Variants in FBXW11 observed in about 807,000 individuals in gnomAD.
FBXW11 encodes F-box and WD repeat domain containing 11, also known as F-box/WD repeat-containing protein 11.
FBXW11 carries 19 observed loss-of-function variants against 77.6 expected under a neutral mutation model. That is an observed-to-expected ratio of 0.24 (90% CI 0.17 to 0.36). The LOEUF (loss-of-function observed/expected upper bound fraction) is 0.36, where lower values mean the gene tolerates loss of function less well. FBXW11 is among the 10% of genes least tolerant of loss of function. The probability of loss-of-function intolerance (pLI) is 1.00; values close to 1 mark genes in which losing one functional copy is unlikely to be tolerated. For synonymous variants in FBXW11, 235 were observed against 249.4 expected (o/e 0.94, Z 0.54); for missense variants, 334 against 704.2 (o/e 0.47, Z 5.95).
At chr5:171,955,974 C>G (rs995295068) in intron 2 of FBXW11, among the ~76,000 whole-genome samples, 8 of 152,120 alleles carry the variant, frequency 5.3e-5, no homozygotes, top group African/African-American at 1.7e-4. Context: ...AATACTGTTA[C>G]TAAAATATAT....
At chr5:171,879,024 G>C (rs1758329273) in intron 7 of FBXW11, among the ~76,000 whole-genome samples, 3 of 152,048 alleles carry the variant, frequency 2.0e-5, no homozygotes, top group Admixed American at 2.0e-4. Flanking sequence ...TTAAAAATCA[G>C]AACAAAAATT....
chr5:171,942,575 A>C (rs1762805627), intron 2 of FBXW11, among the ~76,000 whole-genome samples: 1 of 152,226 alleles, frequency 6.6e-6, no homozygotes, highest in Admixed American at 6.5e-5. Flanking sequence ...CAAAGCAGGC[A>C]GATCACTTGA....
At chr5:171,913,846 C>CACAT (rs1163116523) in intron 3 of FBXW11, among the ~76,000 whole-genome samples, 48 of 151,168 alleles carry the variant, frequency 3.2e-4, no homozygotes, top group Non-Finnish European at 6.4e-4. Context: ...CACACACACA[C>CACAT]ACACACACAC....
At chr5:171,955,691 T>C (rs571484971) in intron 2 of FBXW11, among the ~76,000 whole-genome samples, 3 of 152,244 alleles carry the variant, frequency 2.0e-5, no homozygotes, top group African/African-American at 7.2e-5. Flanking sequence ...GAGTACTTAG[T>C]TCATTTTACT....
chr5:171,952,293 G>GACGTT (rs1763359561), intron 2 of FBXW11, among the ~76,000 whole-genome samples: 1 of 150,346 alleles, frequency 6.7e-6, no homozygotes, highest in Non-Finnish European at 1.5e-5. Context: ...GCTACCAATG[G>GACGTT]ACGTTTTCTT....
At chr5:171,893,439 A>AAAAAAAAAC in intron 6 of FBXW11, among the ~76,000 whole-genome samples, 1 of 148,908 alleles carries the variant, frequency 6.7e-6, no homozygotes, top group Non-Finnish European at 1.5e-5. Context: ...AAAAAAAAAA[A>AAAAAAAAAC]AAAAAAAACT....
chr5:171,866,008 T>C (rs1450711059), intron 13 of FBXW11, among the ~76,000 whole-genome samples: 1 of 152,202 alleles, frequency 6.6e-6, no homozygotes, highest in East Asian at 1.9e-4. Context: ...CTCACTCCTT[T>C]ATTCCCAGCA....
chr5:171,989,565 G>C (rs528383566), intron 1 of FBXW11, among the ~76,000 whole-genome samples: 5 of 152,196 alleles, frequency 3.3e-5, no homozygotes, highest in Admixed American at 6.5e-5. Context: ...ATGACACCAC[G>C]AGGAAATAAT....
Position 171,910,752 on chromosome 5 carries a change from A to T in FBXW11, c.256T>A (p.Ser86Thr), listed in dbSNP as rs1349707616. The T allele has an allele frequency of 6.2e-7, 1 of 1,613,184 alleles. No individual in the cohort carries two copies. Among genetic ancestry groups the T allele is most frequent in the South Asian group, 1.1e-5 (1 of 90,900 alleles). ...TTTTCTTTTTGATAGTTTCCTTCTG[A>T]TGGCCTCTTTCTGGAGACGATCACA... Reference protein sequence around the residue: ...SSVIVSRKRPSEGNYQKEKDL... With the variant: ...SSVIVSRKRPTEGNYQKEKDL... The change falls in exon 4 of 14, where the codon TCA becomes ACA. Residue 86 changes from serine (S) to threonine (T), a missense_variant. Physicochemically the swap from Ser to Thr is moderately conservative, Grantham distance 58. This residue lies in a region of FBXW11 where 80 missense variants were observed against 105.1 expected (regional missense o/e 0.76). Transcript: ENST00000517395.
At chr5:171,877,738 A>C (rs976067781) in intron 8 of FBXW11, among the ~76,000 whole-genome samples, 6 of 152,256 alleles carry the variant, frequency 3.9e-5, no homozygotes, top group African/African-American at 1.4e-4. Flanking sequence ...TGGACCACAT[A>C]ACCAAAAGAA....
intron 3 of FBXW11, among the ~76,000 whole-genome samples, chr5:171,913,818 T>C (rs3138750): frequency 0.022 from 1,432 of 64,318 alleles, 5 homozygotes; most frequent in Non-Finnish European, 0.032. Flanking sequence ...CACACACACA[T>C]ACACACACAC....
At chr5:171,897,255 A>G (rs533558477) in intron 6 of FBXW11, among the ~76,000 whole-genome samples, 2 of 152,358 alleles carry the variant, frequency 1.3e-5, no homozygotes, top group African/African-American at 4.8e-5. Context: ...TTAGTGGTAC[A>G]TTACTTTTAT....
intron 3 of FBXW11, among the ~76,000 whole-genome samples, chr5:171,911,797 TG>T (rs1301911093): frequency 6.6e-6 from 1 of 152,208 alleles, no homozygotes; most frequent in Non-Finnish European, 1.5e-5. Flanking sequence ...ACACTGCATC[TG>T]GACAGTAACA....
At chr5:171,941,180 G>C (rs988922977) in intron 2 of FBXW11, among the ~76,000 whole-genome samples, 2 of 152,280 alleles carry the variant, frequency 1.3e-5, no homozygotes, top group South Asian at 4.1e-4. Flanking sequence ...TGATCTAAGT[G>C]ATCACCATTC....
intron 1 of FBXW11, among the ~76,000 whole-genome samples, chr5:171,963,188 C>A (rs910550443): frequency 7.3e-5 from 1 of 13,670 alleles, no homozygotes; most frequent in African/African-American, 7.8e-5. Context: ...AATACACATA[C>A]ACACACACAC....
rs1468908572 is a variant in FBXW11, at chr5:171,863,144, C to T, written c.*983G>A. Reference sequence around the variant, plus strand: ...TTTAAAACAAGATTCTCATTAAAAACACACACAAACCACACACACGCAATG... The same window carrying T: ...TTTAAAACAAGATTCTCATTAAAAATACACACAAACCACACACACGCAATG... On this transcript the variant is annotated 3_prime_UTR_variant, in exon 14 of 14. Transcript: ENST00000517395. The T allele has an allele frequency of 1.3e-5, 2 of 152,664 alleles. No individual in the cohort carries two copies. The highest frequency in any genetic ancestry group is 3.9e-4 in the East Asian group (2 of 5,150). 9.5% of individuals were successfully genotyped at this position (152,664 alleles called of 1,614,324 possible). A position where few individuals can be genotyped will look rare whatever the true frequency, so the allele number is the denominator to read the frequency against.
chr5:171,916,103 G>GC (rs1761220506), intron 2 of FBXW11, among the ~76,000 whole-genome samples: 1 of 151,188 alleles, frequency 6.6e-6, no homozygotes, highest in Admixed American at 6.6e-5. Context: ...GGTGGGGGGA[G>GC]GTGGGGGGAT....
intron 4 of FBXW11, among the ~76,000 whole-genome samples, chr5:171,900,853 A>G (rs1222922175): frequency 2.0e-5 from 3 of 152,122 alleles, no homozygotes; most frequent in African/African-American, 4.8e-5. Flanking sequence ...ATACAAGGAT[A>G]CTCTCAAAGA....
Position 171,869,664 on chromosome 5 carries a change from G to A in FBXW11, c.1530+65C>T. 7 of 1,258,312 alleles carry A rather than the reference G, an allele frequency of 5.6e-6. No homozygotes were observed. The South Asian group carries it at 8.1e-5, about 14-fold the overall frequency. The allele number at this position is 1,258,312 out of a possible 1,614,324, so 77.9% of individuals were successfully genotyped here. On this transcript the variant is annotated intron_variant, in intron 12 of 13. Coordinates refer to ENST00000517395, the MANE Select transcript of FBXW11 (RefSeq NM_001378974.1). The surrounding 1 kb of genome is among the most constrained non-coding windows in gnomAD (Gnocchi z 4.1). ...AGCGTTCCTGTGATACACCTAGACA[G>A]GACTATCTGCAAATGGTCATCCTCC... is the stretch of plus-strand genomic sequence containing the variant.
Sources: gnomAD v4.1 joint callset for allele counts (sites outside exome capture counted in the v4.1 genomes callset) on GRCh38, gnomAD v4.1.1 for gene constraint, gnomAD v4.1.1 regional missense constraint, Gnocchi (gnomAD v3.1) non-coding constraint, MANE v1.5 for transcripts, NCBI Gene and HGNC (gene_info 2026-07-23, HGNC 2026-07-21) for gene names.